Variants in TOR1AIP1 observed in about 807,000 individuals in gnomAD.
TOR1AIP1 encodes the protein torsin-1A-interacting protein 1.
Under a neutral mutation model 63.3 loss-of-function variants are expected in TOR1AIP1, and 54 were observed. That is an observed-to-expected ratio of 0.85 (90% CI 0.69 to 1.07). The LOEUF (loss-of-function observed/expected upper bound fraction) is 1.07, where lower values mean the gene tolerates loss of function less well. Among genes scored for constraint, TOR1AIP1 ranks in the 50% least tolerant of loss-of-function variants. The pLI is 0.00. For synonymous variants in TOR1AIP1, 294 were observed against 273.5 expected, an observed-to-expected ratio of 1.07 and a Z score of -0.74; for missense variants, 736 against 715.0, an observed-to-expected ratio of 1.03 and a Z score of -0.33.
rs1403224709 is a variant in TOR1AIP1 at position 179,919,952 on chromosome 1, A to G, written c.*1713A>G. On this transcript the variant is annotated 3_prime_UTR_variant, in exon 10 of 10. Transcript: ENST00000606911. ...TTTTATTAAATGTTTCATTGACCCA[A>G]GTAATTTAAAAGTAATATGTTACCT... 1 of 152,230 alleles carries G rather than the reference A, an allele frequency of 6.6e-6. No homozygotes were observed. The highest frequency in any genetic ancestry group is 1.5e-5 in the Non-Finnish European group (1 of 68,046). 9.4% of individuals were successfully genotyped at this position (152,230 alleles called of 1,614,324 possible).
intron 3 of TOR1AIP1, among the ~76,000 whole-genome samples, chr1:179,895,260 A>G (rs560035493): frequency 3.9e-5 from 6 of 152,308 alleles, no homozygotes; most frequent in Non-Finnish European, 5.9e-5. Context: ...TCAAAATATG[A>G]TTTTAATTCT....
chr1:179,895,658 G>A (rs181589280), intron 3 of TOR1AIP1, among the ~76,000 whole-genome samples: 58 of 152,220 alleles, frequency 3.8e-4, no homozygotes, highest in East Asian at 1.5e-3. Context: ...CCAGCACTTC[G>A]GGAGGCCGAA....
chr1:179,894,229 C>T (rs1277212339), intron 3 of TOR1AIP1, among the ~76,000 whole-genome samples: 1 of 144,176 alleles, frequency 6.9e-6, no homozygotes, highest in African/African-American at 2.6e-5. Flanking sequence ...CCAGCCTGGG[C>T]GACAGAGCGA....
chr1:179,889,390 T>C (rs188038834), intron 3 of TOR1AIP1, 21 bp downstream of exon 3: 1 of 1,589,160 alleles, frequency 6.3e-7, no homozygotes, highest in Admixed American at 1.7e-5. Context: ...GTTTGTCTGT[T>C]GGTTTACCTT....
chr1:179,915,469 T>C lies in TOR1AIP1; in HGVS notation c.964+1415T>C, dbSNP rs533586602. On this transcript the variant is annotated intron_variant, in intron 9 of 9. Transcript: ENST00000606911. ...CCAATCTCAAGACTTTAAAAAAGTG[T>C]TAAAGGGTGGGGTTCGTGGCCCATG... Among the ~76,000 whole-genome samples the C allele has an allele frequency of 2.6e-5, 4 of 152,288 alleles. No individual in the cohort carries two copies. In the East Asian group the frequency reaches 7.7e-4, roughly 29 times the overall value.
At chr1:179,890,472 A>G (rs1313135160) in intron 3 of TOR1AIP1, among the ~76,000 whole-genome samples, 1 of 152,192 alleles carries the variant, frequency 6.6e-6, no homozygotes, top group Non-Finnish European at 1.5e-5. Flanking sequence ...TTTGTTAATG[A>G]ACCTGTGGTA....
intron 3 of TOR1AIP1, among the ~76,000 whole-genome samples, chr1:179,892,754 A>T (rs1174353445): frequency 7.1e-6 from 1 of 140,962 alleles, no homozygotes; most frequent in Non-Finnish European, 1.6e-5. Flanking sequence ...AAAAAAAAAA[A>T]CTTTTTAAAA....
Position 179,907,913 on chromosome 1 carries a change from C to T in TOR1AIP1, c.838+49C>T, listed in dbSNP as rs375621785. On this transcript the variant is annotated intron_variant, in intron 7 of 9. Transcript: ENST00000606911. ...TTTTTCAGCCAATCAATTCTTTTCT[C>T]TTTTTTTTTTTTTTTTTTTTTGAGA... The T allele has an allele frequency of 5.3e-3, 1,872 of 356,084 alleles. 2 individuals are homozygous for T. Among genetic ancestry groups the T allele is most frequent in the Middle Eastern group, 6.8e-3 (6 of 888 alleles). 22.1% of individuals were successfully genotyped at this position (356,084 alleles called of 1,614,324 possible).
Position 179,884,959 on chromosome 1 carries a change from A to C in TOR1AIP1, c.553+190A>C, listed in dbSNP as rs563015366. Among the ~76,000 whole-genome samples, 59 of 152,250 alleles carry C rather than the reference A, an allele frequency of 3.9e-4. 1 individual carries two copies. Among genetic ancestry groups the C allele is most frequent in the Non-Finnish European group, 7.3e-5 (5 of 68,044 alleles). ...TTCATAGAAGAGAAAACTGAAACAC[A>C]GAGAAGCTAAGACAATTCTGTAAGA... On this transcript the variant is annotated intron_variant, in intron 2 of 9. Transcript: ENST00000606911.
chr1:179,907,627 A>G (rs1648688539), intron 6 of TOR1AIP1, among the ~76,000 whole-genome samples, 196 bp from the exon 7 acceptor site: 1 of 146,586 alleles, frequency 6.8e-6, no homozygotes, highest in Non-Finnish European at 1.5e-5. Context: ...ATGTATATAT[A>G]TGTATATATA....
Position 179,901,404 on chromosome 1 carries a change from A to G in TOR1AIP1, c.739+16A>G. ...GAATCTGGAGGTAATATTGCTTTAT[A>G]TACATATGACTCTTCTCATAGAACT... On this transcript the variant is annotated intron_variant, in intron 5 of 9. Transcript: ENST00000606911. 1.3e-6 allele frequency: 2 copies of G among 1,529,006 alleles called. No homozygotes were observed. Among genetic ancestry groups the G allele is most frequent in the Non-Finnish European group, 1.8e-6 (2 of 1,115,374 alleles). The allele number at this position is 1,529,006 out of a possible 1,614,324, so 94.7% of individuals were successfully genotyped here.
At chr1:179,901,229 C>A in intron 4 of TOR1AIP1, 73 bp from the exon 5 acceptor site, 3 of 965,976 alleles carry the variant, frequency 3.1e-6, no homozygotes, top group Non-Finnish European at 4.6e-6. Flanking sequence ...AAATTATTTG[C>A]TTGGTTTTTT....
At chr1:179,911,013 T>G (rs1648817537) in intron 8 of TOR1AIP1, among the ~76,000 whole-genome samples, 1 of 152,254 alleles carries the variant, frequency 6.6e-6, no homozygotes, top group Non-Finnish European at 1.5e-5. Context: ...TACTTTGTCT[T>G]AAGTTACTAT....
chr1:179,901,013 C>T (rs1648438281), intron 4 of TOR1AIP1, among the ~76,000 whole-genome samples: 1 of 152,094 alleles, frequency 6.6e-6, no homozygotes, highest in African/African-American at 2.4e-5. Flanking sequence ...GTTTAACGCT[C>T]ATCTGTTCAT....
In TOR1AIP1 at chr1:179,901,290, A is replaced by G. The variant is rs781666665; in HGVS notation, c.653-12A>G. On this transcript the variant is annotated splice_polypyrimidine_tract_variant and intron_variant, in intron 4 of 9. Transcript: ENST00000606911. ...AATAGACTATATTAGTATATTGTTT[A>G]CTTCTCTTTAGGAGAAACTGAAGAA... 1.5e-5 allele frequency: 24 copies of G among 1,588,534 alleles called. No individual in the cohort carries two copies. Among genetic ancestry groups the G allele is most frequent in the Non-Finnish European group, 2.0e-5 (23 of 1,159,616 alleles).
At chr1:179,906,549 C>A (rs1204644404) in intron 6 of TOR1AIP1, among the ~76,000 whole-genome samples, 1 of 152,114 alleles carries the variant, frequency 6.6e-6, no homozygotes, top group Non-Finnish European at 1.5e-5. Context: ...TTAAATACCA[C>A]CTCAAAACCT....
intron 5 of TOR1AIP1, among the ~76,000 whole-genome samples, chr1:179,902,971 A>G (rs1207625520): frequency 1.3e-5 from 2 of 151,956 alleles, no homozygotes; most frequent in East Asian, 1.9e-4. Flanking sequence ...GCGCGATCGC[A>G]CTTCAGCCTG....
At chr1:179,907,607 ATATATATATATG>A (rs927370467) in intron 6 of TOR1AIP1, among the ~76,000 whole-genome samples, 35 of 23,108 alleles carry the variant, frequency 1.5e-3, no homozygotes, top group African/African-American at 3.2e-3. Flanking sequence ...ATATATATAT[ATATATATATATG>A]TATATATATG....
intron 3 of TOR1AIP1, among the ~76,000 whole-genome samples, chr1:179,897,435 T>C (rs1365484505): frequency 2.0e-5 from 3 of 152,164 alleles, no homozygotes; most frequent in Admixed American, 1.3e-4. Flanking sequence ...ACCTGGAACT[T>C]CAAATGTGTA....
Sources: gnomAD v4.1 joint callset for allele counts (sites outside exome capture counted in the v4.1 genomes callset) on GRCh38, gnomAD v4.1.1 for gene constraint, MANE v1.5 for transcripts, NCBI Gene and HGNC (gene_info 2026-07-23, HGNC 2026-07-21) for gene names.